Variants in PCDH15 observed in about 807,000 individuals in gnomAD.
PCDH15 encodes protocadherin related 15, also known as protocadherin-15.
A neutral mutation model predicts 178.5 loss-of-function variants in PCDH15; 129 were observed. That is an observed-to-expected ratio of 0.72 (90% confidence interval 0.63 to 0.84). The LOEUF (loss-of-function observed/expected upper bound fraction) is 0.84. PCDH15 is among the 40% of genes least tolerant of loss of function. The probability of loss-of-function intolerance (pLI) is 0.00; values close to 1 mark genes in which losing one functional copy is unlikely to be tolerated. For missense variants in PCDH15, 2,230 were observed against 2,099.9 expected (o/e 1.06, Z -1.21); for synonymous variants, 800 against 732.0 (o/e 1.09, Z -1.50).
chr10:55,223,522 C>T (rs142715474), intron 1 of PCDH15, among the ~76,000 whole-genome samples: 56 of 152,212 alleles, frequency 3.7e-4, no homozygotes, highest in African/African-American at 1.3e-3. Flanking sequence ...CTTTTCCTGC[C>T]TCCTGGAAAC....
chr10:55,288,238 GC>G (rs1842922208), intron 1 of PCDH15, among the ~76,000 whole-genome samples: 1 of 150,432 alleles, frequency 6.6e-6, no homozygotes. Context: ...GAAAAATAAT[GC>G]TTTAAAATTT....
intron 2 of PCDH15, among the ~76,000 whole-genome samples, chr10:55,145,303 G>C (rs555258719): frequency 6.6e-6 from 1 of 152,110 alleles, no homozygotes; most frequent in Admixed American, 6.6e-5. Context: ...GTATTCCTGA[G>C]ATAAACAGGC....
intron 2 of PCDH15, among the ~76,000 whole-genome samples, chr10:55,592,898 A>G (rs11004926): frequency 6.6e-6 from 1 of 152,234 alleles, no homozygotes; most frequent in East Asian, 1.9e-4. Context: ...ACAAAACTAG[A>G]CCATTATAAT....
At chr10:54,609,463 A>G (rs1485814052) in intron 2 of PCDH15, among the ~76,000 whole-genome samples, 1 of 152,052 alleles carries the variant, frequency 6.6e-6, no homozygotes, top group African/African-American at 2.4e-5. Flanking sequence ...TTAGCTCTGA[A>G]CAGATTTCTT....
intron 8 of PCDH15, among the ~76,000 whole-genome samples, chr10:54,280,191 CCTTTT>C (rs781114355): frequency 2.4e-4 from 37 of 151,720 alleles, no homozygotes; most frequent in Middle Eastern, 3.4e-3. Flanking sequence ...CTACCCATTT[CCTTTT>C]AAGTAACTTC....
At chr10:54,463,761 T>C (rs905402797) in intron 3 of PCDH15, among the ~76,000 whole-genome samples, 1 of 152,020 alleles carries the variant, frequency 6.6e-6, no homozygotes, top group African/African-American at 2.4e-5. Context: ...ATTAAATGTG[T>C]GCTGTTGTTT....
At chr10:54,878,596 A>C (rs1040009978) in intron 3 of PCDH15, among the ~76,000 whole-genome samples, 2 of 152,196 alleles carry the variant, frequency 1.3e-5, no homozygotes, top group African/African-American at 4.8e-5. Flanking sequence ...CTTCTCTAAA[A>C]TGGATATGAT....
chr10:54,494,544 C>T (rs532517054), intron 3 of PCDH15, among the ~76,000 whole-genome samples: 6 of 152,188 alleles, frequency 3.9e-5, no homozygotes, highest in Non-Finnish European at 4.4e-5. Context: ...AGCAATTCTC[C>T]GGAGATTAGG....
intron 2 of PCDH15, among the ~76,000 whole-genome samples, chr10:55,062,781 T>C (rs1429912108): frequency 1.3e-5 from 2 of 152,116 alleles, no homozygotes; most frequent in Non-Finnish European, 2.9e-5. Flanking sequence ...AATTGCAACA[T>C]ATGTACCACT....
chr10:54,527,796 T>TA lies in PCDH15; in HGVS notation c.157+15dup, dbSNP rs2083497212. 1 of 1,587,830 alleles carries TA rather than the reference T, an allele frequency of 6.3e-7. No individual in the cohort carries two copies. Among genetic ancestry groups the TA allele is most frequent in the Non-Finnish European group, 8.6e-7 (1 of 1,158,858 alleles). Reference sequence around the variant, plus strand: ...CCTCTTAGATAAGACATTTGTAAAATAAAAAACTCACTTACCATTCCGACT... The same window carrying TA: ...CCTCTTAGATAAGACATTTGTAAAATAAAAAAACTCACTTACCATTCCGACT... On this transcript the variant is annotated intron_variant, in intron 3 of 37. Transcript: ENST00000644397.
At chr10:54,218,189 T>C (rs1297965285) in intron 9 of PCDH15, among the ~76,000 whole-genome samples, 1 of 152,168 alleles carries the variant, frequency 6.6e-6, no homozygotes, top group African/African-American at 2.4e-5. Flanking sequence ...TTTCAGCTAA[T>C]AATTTAAGAA....
intron 3 of PCDH15, among the ~76,000 whole-genome samples, chr10:54,438,378 C>G (rs67040242): frequency 6.8e-6 from 1 of 148,062 alleles, no homozygotes; most frequent in African/African-American, 2.5e-5. Context: ...CTTTGTAACT[C>G]TGTGCTACCT....
chr10:53,822,780 C>CCTTCTATCATCAGTGTTT lies in PCDH15; in HGVS notation c.4368-2568_4368-2551dup, dbSNP rs758259410. On this transcript the variant is annotated intron_variant, in intron 32 of 37. Coordinates refer to ENST00000644397, the MANE Select transcript of PCDH15 (RefSeq NM_001384140.1). ...AGAGAGAGATTTCAACTGTTCTGTT[C>CCTTCTATCATCAGTGTTT]CTTCTATCATCAGTGTTTCACCTTG... is the stretch of plus-strand genomic sequence containing the variant. 6.8e-5 allele frequency: 110 copies of CCTTCTATCATCAGTGTTT among 1,614,050 alleles called. 2 individuals are homozygous for CCTTCTATCATCAGTGTTT. The South Asian group carries it at 1.2e-3, about 17-fold the overall frequency.
chr10:54,246,141 T>C (rs903417643), intron 8 of PCDH15, among the ~76,000 whole-genome samples: 2 of 151,982 alleles, frequency 1.3e-5, no homozygotes, highest in Non-Finnish European at 2.9e-5. Context: ...GCACAATATA[T>C]AATGTACTTT....
intron 2 of PCDH15, among the ~76,000 whole-genome samples, chr10:54,921,665 ACT>A (rs1487962496): frequency 2.0e-5 from 3 of 151,814 alleles, no homozygotes; most frequent in African/African-American, 7.3e-5. Context: ...ACTTGATCTC[ACT>A]CTTTTTATGG....
intron 3 of PCDH15, among the ~76,000 whole-genome samples, chr10:54,419,239 T>TACACACAC (rs879889854): frequency 1.2e-5 from 1 of 83,148 alleles, no homozygotes; most frequent in Admixed American, 9.6e-5. Context: ...TATACATATA[T>TACACACAC]ACATACACAC....
intron 2 of PCDH15, among the ~76,000 whole-genome samples, chr10:54,660,975 GC>G (rs764803950): frequency 2.0e-4 from 30 of 151,734 alleles, no homozygotes; most frequent in Non-Finnish European, 3.1e-4. Flanking sequence ...AATAATAAGA[GC>G]CGTCTATGAC....
At chr10:53,899,711 A>G (rs921576012) in intron 26 of PCDH15, among the ~76,000 whole-genome samples, 15 of 152,124 alleles carry the variant, frequency 9.9e-5, no homozygotes, top group African/African-American at 3.6e-4. Context: ...TCCTTCCTTC[A>G]AACACCACAG....
At chr10:54,848,123 A>G (rs993630249) in intron 3 of PCDH15, among the ~76,000 whole-genome samples, 1 of 152,148 alleles carries the variant, frequency 6.6e-6, no homozygotes, top group Non-Finnish European at 1.5e-5. Flanking sequence ...TCATGCCTGT[A>G]ATCCCAGCAC....
Sources: allele counts gnomAD v4.1 joint callset (sites outside exome capture counted in the v4.1 genomes callset), GRCh38; gene constraint gnomAD v4.1.1; transcripts MANE v1.5; gene names NCBI Gene and HGNC (gene_info 2026-07-23, HGNC 2026-07-21).